The following NEGR1 variants were observed in gnomAD, a reference collection of about 807,000 sequenced individuals.
NEGR1 encodes IgLON family member 4.
A neutral mutation model predicts 40.9 loss-of-function variants in NEGR1; 10 were observed. The observed-to-expected ratio is 0.24, with a 90% CI of 0.15 to 0.42. The LOEUF (loss-of-function observed/expected upper bound fraction) is 0.42. Ranked by LOEUF, NEGR1 falls within the 10% of genes least tolerant of loss-of-function variation. NEGR1 has a pLI of 1.00. For missense variants in NEGR1, 352 were observed against 438.9 expected, an observed-to-expected ratio of 0.80 and a Z score of 1.77; for synonymous variants, 185 against 166.8, an observed-to-expected ratio of 1.11 and a Z score of -0.84.
At chr1:72,217,352 T>TCTTTTCAGA (rs1653857373) in intron 1 of NEGR1, among the ~76,000 whole-genome samples, 1 of 151,918 alleles carries the variant, frequency 6.6e-6, no homozygotes. Context: ...ATAGTTGTAG[T>TCTTTTCAGA]CTTTTCAGAG....
chr1:72,132,375 C>T (rs980078721), intron 1 of NEGR1, among the ~76,000 whole-genome samples: 1 of 152,168 alleles, frequency 6.6e-6, no homozygotes, highest in Non-Finnish European at 1.5e-5. Flanking sequence ...TATCTTCTAA[C>T]AAGTTCAGGA....
intron 1 of NEGR1, among the ~76,000 whole-genome samples, chr1:72,038,111 G>A (rs768207091): frequency 7.9e-5 from 12 of 152,056 alleles, no homozygotes; most frequent in Non-Finnish European, 1.6e-4. Context: ...AAGGTTTAAA[G>A]CCTAAATCTA....
At chr1:71,752,464 T>C (rs1240081877) in intron 3 of NEGR1, among the ~76,000 whole-genome samples, 1 of 152,214 alleles carries the variant, frequency 6.6e-6, no homozygotes, top group Non-Finnish European at 1.5e-5. Context: ...CAGCTAGCTA[T>C]GCAAACAAAC....
chr1:71,709,947 A>G (rs1457763569), intron 3 of NEGR1, among the ~76,000 whole-genome samples: 1 of 152,218 alleles, frequency 6.6e-6, no homozygotes, highest in Middle Eastern at 3.2e-3. Flanking sequence ...TGAGTTGAAG[A>G]GACAACCCAT....
At chr1:71,857,195 A>G (rs2101818936) in intron 2 of NEGR1, among the ~76,000 whole-genome samples, 1 of 152,120 alleles carries the variant, frequency 6.6e-6, no homozygotes, top group Middle Eastern at 3.4e-3. Context: ...TCATTGCTGT[A>G]AAAGAGAACA....
At chr1:72,101,511 T>C (rs1346757327) in intron 1 of NEGR1, among the ~76,000 whole-genome samples, 2 of 152,152 alleles carry the variant, frequency 1.3e-5, no homozygotes, top group East Asian at 3.9e-4. Context: ...CAGGGTGCAA[T>C]TTTGCACCAA....
chr1:71,872,433 G>A (rs763336771), intron 2 of NEGR1, among the ~76,000 whole-genome samples: 1 of 152,130 alleles, frequency 6.6e-6, no homozygotes, highest in Non-Finnish European at 1.5e-5. Context: ...AGGGGCCCTG[G>A]AGGTATTATG....
intron 1 of NEGR1, among the ~76,000 whole-genome samples, chr1:72,027,447 T>C (rs1256118048): frequency 2.0e-5 from 3 of 151,836 alleles, no homozygotes; most frequent in African/African-American, 4.8e-5. Flanking sequence ...CCATGTAAAA[T>C]ACAAGTTTCT....
At chr1:71,447,309 C>G (rs2101322452) in intron 6 of NEGR1, among the ~76,000 whole-genome samples, 1 of 152,250 alleles carries the variant, frequency 6.6e-6, no homozygotes, top group African/African-American at 2.4e-5. Flanking sequence ...ATTGGGGACC[C>G]TTCATGTAAT....
chr1:71,534,804 G>A (rs1292507049), intron 6 of NEGR1, among the ~76,000 whole-genome samples: 1 of 151,590 alleles, frequency 6.6e-6, no homozygotes, highest in African/African-American at 2.4e-5. Context: ...AGAAATGCCA[G>A]GCCTCATGGG....
chr1:71,441,966 C>A (rs1036042287), intron 6 of NEGR1, among the ~76,000 whole-genome samples: 1 of 152,084 alleles, frequency 6.6e-6, no homozygotes, highest in African/African-American at 2.4e-5. Flanking sequence ...ATGCTTAGCA[C>A]AATGTTGACT....
chr1:72,272,218 T>C (rs893442859), intron 1 of NEGR1, among the ~76,000 whole-genome samples: 1 of 151,802 alleles, frequency 6.6e-6, no homozygotes, highest in Non-Finnish European at 1.5e-5. Flanking sequence ...CTAATACAGC[T>C]TAAAATGCTT....
intron 6 of NEGR1, among the ~76,000 whole-genome samples, chr1:71,480,385 C>G (rs1053530186): frequency 8.6e-5 from 13 of 151,832 alleles, no homozygotes; most frequent in African/African-American, 3.1e-4. Context: ...GTTCTGTCCA[C>G]TACCCTTCCT....
At chr1:71,476,347 C>G (rs967268700) in intron 6 of NEGR1, among the ~76,000 whole-genome samples, 1 of 152,056 alleles carries the variant, frequency 6.6e-6, no homozygotes, top group Non-Finnish European at 1.5e-5. Flanking sequence ...ATAAAATAAG[C>G]AATATATGAC....
At chr1:72,029,827 A>G (rs1478749153) in intron 1 of NEGR1, among the ~76,000 whole-genome samples, 1 of 152,234 alleles carries the variant, frequency 6.6e-6, no homozygotes, top group Non-Finnish European at 1.5e-5. Flanking sequence ...TCTAAAAAAG[A>G]AATGTCAGAA....
intron 2 of NEGR1, among the ~76,000 whole-genome samples, chr1:71,932,299 T>G (rs1281206165): frequency 6.8e-6 from 1 of 146,710 alleles, no homozygotes; most frequent in African/African-American, 2.7e-5. Flanking sequence ...ATTTGTTTTG[T>G]TTTTTTTTGT....
chr1:72,136,230 T>A (rs1208968415), intron 1 of NEGR1, among the ~76,000 whole-genome samples: 1 of 152,156 alleles, frequency 6.6e-6, no homozygotes, highest in African/African-American at 2.4e-5. Context: ...ATTAAGCAGT[T>A]ATTATTGTTG....
chr1:71,781,751 T>C (rs1656724964), intron 2 of NEGR1, among the ~76,000 whole-genome samples: 1 of 152,198 alleles, frequency 6.6e-6, no homozygotes, highest in Non-Finnish European at 1.5e-5. Flanking sequence ...TTCTCTGAAG[T>C]TGTAGACTCA....
At chr1:72,097,977 T>C (rs866597376) in intron 1 of NEGR1, among the ~76,000 whole-genome samples, 5 of 152,200 alleles carry the variant, frequency 3.3e-5, no homozygotes, top group African/African-American at 1.2e-4. Context: ...TCCCTTTCTT[T>C]ACACTGAAGC....
Sources: allele counts gnomAD v4.1 joint callset (sites outside exome capture counted in the v4.1 genomes callset), GRCh38; gene constraint gnomAD v4.1.1; transcripts MANE v1.5; gene names NCBI Gene and HGNC (gene_info 2026-07-23, HGNC 2026-07-21).